Variants in PDE3A observed in about 807,000 individuals in gnomAD.
PDE3A encodes the protein phosphodiesterase 3A, also known as cGMP-inhibited 3',5'-cyclic phosphodiesterase 3A.
A neutral mutation model predicts 98.3 loss-of-function variants in PDE3A; 43 were observed. The ratio of observed to expected loss-of-function variants is 0.44; its 90% CI spans 0.34 to 0.56. PDE3A has a LOEUF of 0.56. PDE3A is among the 20% of genes least tolerant of loss of function. PDE3A has a pLI of 0.01. For synonymous variants in PDE3A, 663 were observed against 567.9 expected, an observed-to-expected ratio of 1.17 and a Z score of -2.38; for missense variants, 1,427 against 1,440.7, an observed-to-expected ratio of 0.99 and a Z score of 0.15.
intron 1 of PDE3A, among the ~76,000 whole-genome samples, chr12:20,382,565 G>A (rs902315963): frequency 1.3e-5 from 2 of 151,768 alleles, no homozygotes; most frequent in African/African-American, 4.8e-5. Flanking sequence ...ATCTCATATG[G>A]CTGTTTTAAA....
intron 15 of PDE3A, among the ~76,000 whole-genome samples, chr12:20,673,562 A>G (rs979781656): frequency 2.7e-5 from 4 of 150,346 alleles, no homozygotes; most frequent in African/African-American, 9.8e-5. Flanking sequence ...GACATGGATG[A>G]AATTGGAAAA....
chr12:20,474,945 T>C (rs1422357450), intron 1 of PDE3A, among the ~76,000 whole-genome samples: 1 of 152,116 alleles, frequency 6.6e-6, no homozygotes, highest in Non-Finnish European at 1.5e-5. Context: ...CATCCTAACA[T>C]AGAAGATAAA....
intron 1 of PDE3A, among the ~76,000 whole-genome samples, chr12:20,376,750 C>G (rs902221288): frequency 1.3e-5 from 2 of 151,576 alleles, no homozygotes; most frequent in African/African-American, 4.8e-5. Context: ...TTTTTTTCAC[C>G]TGTTATTTTG....
At chr12:20,588,682 G>T (rs959989210) in intron 2 of PDE3A, among the ~76,000 whole-genome samples, 1 of 152,066 alleles carries the variant, frequency 6.6e-6, no homozygotes, top group Non-Finnish European at 1.5e-5. Flanking sequence ...TGCCTTGTCA[G>T]CCCCTCCTCA....
chr12:20,608,286 T>G (rs916623031), intron 2 of PDE3A, among the ~76,000 whole-genome samples: 1 of 152,176 alleles, frequency 6.6e-6, no homozygotes, highest in Non-Finnish European at 1.5e-5. Flanking sequence ...TGGTAATAAC[T>G]TCTTACGTGT....
chr12:20,380,093 G>T (rs912872215), intron 1 of PDE3A, among the ~76,000 whole-genome samples: 2 of 151,838 alleles, frequency 1.3e-5, no homozygotes, highest in African/African-American at 4.8e-5. Context: ...GGCTCTGACA[G>T]GTGCTCTTCA....
chr12:20,517,480 C>T (rs374495030), intron 1 of PDE3A, among the ~76,000 whole-genome samples: 1 of 151,998 alleles, frequency 6.6e-6, no homozygotes, highest in African/African-American at 2.4e-5. Context: ...GTTTTTTCTC[C>T]GTTGTATAAT....
intron 15 of PDE3A, among the ~76,000 whole-genome samples, chr12:20,660,737 G>A (rs1419790221): frequency 2.0e-5 from 3 of 152,182 alleles, no homozygotes; most frequent in Admixed American, 6.5e-5. Flanking sequence ...TTGCCTTCCT[G>A]TATGATTGTG....
chr12:20,454,806 T>C (rs948119407), intron 1 of PDE3A, among the ~76,000 whole-genome samples: 1 of 152,030 alleles, frequency 6.6e-6, no homozygotes, highest in East Asian at 1.9e-4. Flanking sequence ...CATGATCTCA[T>C]TTTTTTTATG....
chr12:20,413,068 C>A (rs886910583), intron 1 of PDE3A, among the ~76,000 whole-genome samples: 3 of 152,082 alleles, frequency 2.0e-5, no homozygotes, highest in Admixed American at 2.0e-4. Context: ...ACTATTCTGT[C>A]CTTTTGGATT....
chr12:20,664,891 C>T (rs1945269738), intron 15 of PDE3A, among the ~76,000 whole-genome samples: 1 of 152,158 alleles, frequency 6.6e-6, no homozygotes, highest in East Asian at 1.9e-4. Context: ...TTTCTCAGTA[C>T]ATCTTACCAA....
intron 2 of PDE3A, among the ~76,000 whole-genome samples, chr12:20,590,277 T>C (rs952467344): frequency 2.0e-5 from 3 of 151,250 alleles, no homozygotes; most frequent in African/African-American, 7.3e-5. Flanking sequence ...TAGGAGATGA[T>C]GGTGAAGATT....
chr12:20,418,284 T>C (rs999285064), intron 1 of PDE3A, among the ~76,000 whole-genome samples: 18 of 152,180 alleles, frequency 1.2e-4, no homozygotes, highest in African/African-American at 4.1e-4. Flanking sequence ...TGCATGCATA[T>C]TGCTGCTGAA....
chr12:20,417,913 C>T (rs183922534), intron 1 of PDE3A, among the ~76,000 whole-genome samples: 14 of 152,252 alleles, frequency 9.2e-5, no homozygotes, highest in Non-Finnish European at 1.9e-4. Context: ...ACAACAATAA[C>T]AGTTGTCATT....
intron 1 of PDE3A, among the ~76,000 whole-genome samples, chr12:20,496,382 C>T (rs1036520874): frequency 1.3e-5 from 2 of 152,144 alleles, no homozygotes; most frequent in African/African-American, 4.8e-5. Flanking sequence ...CCATTATGCT[C>T]CTTAGAACTT....
chr12:20,670,884 C>T (rs1338925698), intron 15 of PDE3A, among the ~76,000 whole-genome samples: 3 of 133,016 alleles, frequency 2.3e-5, no homozygotes, highest in Non-Finnish European at 4.7e-5. Context: ...CACAAAAAAC[C>T]CTTCAAAAAA....
At position 20,654,332 on chromosome 12, in the gene PDE3A, G is replaced by A. The variant is rs375403208; in HGVS notation, c.3184+127G>A. 683 of 786,508 alleles carry A rather than the reference G, an allele frequency of 8.7e-4. 2 individuals carry two copies. The highest frequency in any genetic ancestry group is 4.7e-3 in the African/African-American group (267 of 57,194). 48.7% of individuals were successfully genotyped at this position (786,508 alleles called of 1,614,324 possible). On this transcript the variant is annotated intron_variant, in intron 15 of 15. Transcript: ENST00000359062. Reference sequence around the variant, plus strand: ...AACATCATTTGCGGAGTTTGACTACGGATAGCTCCCTTCCCCAATATCATA... The same window carrying A: ...AACATCATTTGCGGAGTTTGACTACAGATAGCTCCCTTCCCCAATATCATA...
intron 2 of PDE3A, among the ~76,000 whole-genome samples, chr12:20,566,138 C>A (rs1942648915): frequency 1.3e-5 from 2 of 151,848 alleles, no homozygotes; most frequent in African/African-American, 4.8e-5. Flanking sequence ...TTAAAAGTCA[C>A]AAAAATGAAA....
At chr12:20,549,876 G>T (rs1942153701) in intron 1 of PDE3A, among the ~76,000 whole-genome samples, 1 of 151,602 alleles carries the variant, frequency 6.6e-6, no homozygotes, top group Non-Finnish European at 1.5e-5. Context: ...AAAAGAAAAA[G>T]TCAAATTTAG....
Sources: allele counts gnomAD v4.1 joint callset (sites outside exome capture counted in the v4.1 genomes callset), GRCh38; gene constraint gnomAD v4.1.1; transcripts MANE v1.5; gene names NCBI Gene and HGNC (gene_info 2026-07-23, HGNC 2026-07-21).